Variants in LTBP4 observed in about 807,000 individuals in gnomAD.
LTBP4 encodes latent-transforming growth factor beta-binding protein 4.
In LTBP4, 93 loss-of-function variants were observed where a neutral mutation model predicts 180.2. The observed-to-expected ratio is 0.52, with a 90% CI of 0.44 to 0.61. The LOEUF (loss-of-function observed/expected upper bound fraction) is 0.61, where lower values mean the gene tolerates loss of function less well. LTBP4 is among the 20% of genes least tolerant of loss of function. LTBP4 has a pLI of 0.00. For missense variants in LTBP4, 2,116 were observed against 2,256.5 expected (o/e 0.94, Z 1.26); for synonymous variants, 947 against 934.5 (o/e 1.01, Z -0.24).
chr19:40,616,505 G>A (rs2081550149), intron 19 of LTBP4, among the ~76,000 whole-genome samples: 1 of 152,070 alleles, frequency 6.6e-6, no homozygotes, highest in East Asian at 1.9e-4. Flanking sequence ...GGCCGAGGTG[G>A]ACAGATCGCT....
At position 40,617,162 on chromosome 19, in the gene LTBP4, G is replaced by A. The variant is rs759664058; in HGVS notation, c.3007G>A (p.Gly1003Ser). Residue 1003 changes from glycine to serine, a missense_variant, in exon 21 of 30, where the codon GGC (glycine) becomes AGC (serine). Gly to Ser is a moderately conservative substitution (Grantham distance 56). Transcript: ENST00000396819. The part of the protein sequence containing the change: ...GAHAVCQNLP[G>S]SFQCLCDQGY... Reference sequence around the variant, plus strand: ...CCACGCCGTGTGCCAGAACCTGCCCGGCTCCTTCCAGTGCCTCTGTGACCA... The same window carrying A: ...CCACGCCGTGTGCCAGAACCTGCCCAGCTCCTTCCAGTGCCTCTGTGACCA... 13 of 1,613,768 alleles carry A rather than the reference G, an allele frequency of 8.1e-6. No individual in the cohort carries two copies. The highest frequency in any genetic ancestry group is 5.5e-5 in the South Asian group (5 of 91,068).
Position 40,609,679 on chromosome 19 carries a change from C to A in LTBP4, c.1558+18C>A, listed in dbSNP as rs1344126700. 1 of 1,612,054 alleles carries A rather than the reference C, an allele frequency of 6.2e-7. No individual in the cohort carries two copies. Among genetic ancestry groups the A allele is most frequent in the Non-Finnish European group, 8.5e-7 (1 of 1,178,950 alleles). On this transcript the variant is annotated intron_variant, in intron 10 of 29. Transcript: ENST00000396819. The surrounding 1 kb of genome is among the most constrained non-coding windows in gnomAD (Gnocchi z 4.9). ...ATGCATTGGTGAGCAAGACGGAGGG[C>A]GCGGAAGGAGGCGGGGCGGGGGGCT...
rs2081623856 is a variant in LTBP4, at chr19:40,625,303, TATA to T, written c.3833-553_3833-551del. ...ATATATATATATATATATATATATA[TATA>T]TATATATATATTTTTTTTTTTAAAG... On this transcript the variant is annotated intron_variant, in intron 26 of 29. Transcript: ENST00000396819. Among the ~76,000 whole-genome samples, 2 of 20,838 alleles carry T rather than the reference TATA, an allele frequency of 9.6e-5. 1 individual carries two copies. The highest frequency in any genetic ancestry group is 1.5e-4 in the Non-Finnish European group (2 of 13,530). 13.7% of individuals were successfully genotyped at this position (20,838 alleles called of 152,430 possible). A position where few individuals can be genotyped will look rare whatever the true frequency, so the allele number is the denominator to read the frequency against.
At position 40,613,917 on chromosome 19, in the gene LTBP4, C is replaced by T; in HGVS notation, c.2559C>T (p.Asp853=). ...RPGPRGASCL[D]VDECSEEDLC... is the part of the protein sequence containing the mutation. ...GCCTTCGGACGCCCTGTCCCGCAGA[C>T]GTTGACGAGTGCAGCGAGGAGGACC... is the stretch of plus-strand genomic sequence containing the variant. Residue 853 remains aspartate (D), a splice_region_variant and synonymous_variant, in exon 18 of 30, where the codon GAC becomes GAT. Coordinates refer to ENST00000396819, the MANE Select transcript of LTBP4 (RefSeq NM_001042545.2). This position sits in a 1 kb window ranked among gnomAD's most constrained non-coding sequence, Gnocchi z 5.0. 2 of 1,613,628 alleles carry T rather than the reference C, an allele frequency of 1.2e-6. No homozygotes were observed. The highest frequency in any genetic ancestry group is 1.7e-6 in the Non-Finnish European group (2 of 1,179,806).
At chr19:40,618,586 G>T (rs116175047) in intron 21 of LTBP4, among the ~76,000 whole-genome samples, 1 of 152,080 alleles carries the variant, frequency 6.6e-6, no homozygotes. Context: ...TTGCTCTGTT[G>T]CCCAGACTGG....
chr19:40,626,938 G>C (rs1344070426), intron 27 of LTBP4, 37 bp from the exon 28 acceptor site: 1 of 1,518,334 alleles, frequency 6.6e-7, no homozygotes, highest in Non-Finnish European at 8.8e-7. Flanking sequence ...GTGGGGGCCA[G>C]CAGGGGCTGA....
At chr19:40,625,316 A>ATATATATATATATATATATTT (rs1568414647) in intron 26 of LTBP4, among the ~76,000 whole-genome samples, 1 of 21,938 alleles carries the variant, frequency 4.6e-5, no homozygotes, top group African/African-American at 2.4e-4. Context: ...ATATATATAT[A>ATATATATATATATATATATTT]TTTTTTTTTT....
At chr19:40,625,286 A>ATATATATT (rs2081621082) in intron 26 of LTBP4, among the ~76,000 whole-genome samples, 1 of 5,536 alleles carries the variant, frequency 1.8e-4, no homozygotes, top group African/African-American at 2.4e-3. Context: ...ATATATATAT[A>ATATATATT]TATATATATA....
At chr19:40,599,417 G>A (rs771615047), upstream of LTBP4, 9 of 1,613,324 alleles carry the variant, frequency 5.6e-6, no homozygotes, top group East Asian at 6.7e-5. Context: ...GGCTGTCTCC[G>A]AAGCCTTCTG....
intron 1 of LTBP4, among the ~76,000 whole-genome samples, chr19:40,604,100 A>G (rs1408497783): frequency 6.6e-6 from 1 of 152,144 alleles, no homozygotes; most frequent in Non-Finnish European, 1.5e-5. Context: ...GGGCGGAACT[A>G]GGGCACCCGG....
Position 40,605,176 on chromosome 19 carries a change from C to T in LTBP4, c.392C>T (p.Thr131Ile). ...RPPAPAVPGL[T>I]RSVYTMPLAN... ...CCGGCCCCGGCTGTACCAGGCCTCA[C>T]CCGCTCCGTGTACACTATGCCACTG... is the stretch of plus-strand genomic sequence containing the variant. The change falls in exon 2 of 30, where the codon ACC becomes ATC. Residue 131 changes from threonine (T) to isoleucine (I), a missense_variant. Transcript: ENST00000396819. This position sits in a 1 kb window ranked among gnomAD's most constrained non-coding sequence, Gnocchi z 5.5. The T allele has an allele frequency of 6.2e-7, 1 of 1,609,376 alleles. No individual in the cohort carries two copies. The highest frequency in any genetic ancestry group is 8.5e-7 in the Non-Finnish European group (1 of 1,178,134).
chr19:40,629,422 G>A lies in LTBP4; in HGVS notation c.4546G>A (p.Ala1516Thr). 6.2e-7 allele frequency: 1 copy of A among 1,612,910 alleles called. No homozygotes were observed. Among genetic ancestry groups the A allele is most frequent in the Non-Finnish European group, 8.5e-7 (1 of 1,179,598 alleles). ...CATCAACGAGTGTGATGAGGCCGAG[G>A]CTGCCTCCCCGCTGTGCGTCAACGC... ...VDINECDEAE[A>T]ASPLCVNARC... The change falls in exon 30 of 30, where the codon GCT (alanine) becomes ACT (threonine). Residue 1516 changes from alanine to threonine, a missense_variant. Ala to Thr is a moderately conservative substitution (Grantham distance 58). This residue lies in a region of LTBP4 where 488 missense variants were observed against 458.8 expected (regional missense o/e 1.06). Coordinates refer to ENST00000396819, the MANE Select transcript of LTBP4 (RefSeq NM_001042545.2). This position sits in a 1 kb window ranked among gnomAD's most constrained non-coding sequence, Gnocchi z 4.5.
At position 40,605,695 on chromosome 19, in the gene LTBP4, C is replaced by T. The variant is rs1481530042; in HGVS notation, c.691-34C>T. The T allele has an allele frequency of 6.5e-7, 1 of 1,544,714 alleles. No homozygotes were observed. The highest frequency in any genetic ancestry group is 1.2e-5 in the South Asian group (1 of 83,666). On this transcript the variant is annotated intron_variant, in intron 3 of 29. Transcript: ENST00000396819. The surrounding 1 kb of genome is among the most constrained non-coding windows in gnomAD (Gnocchi z 5.5). ...GGGAGGGGCCCGGAGCTTGCCTCCG[C>T]GCGGGGGCGCGCTCACCCAACACTT...
chr19:40,613,873 G>C lies in LTBP4; in HGVS notation c.2558-43G>C, dbSNP rs767072285. 1.3e-5 allele frequency: 21 copies of C among 1,611,900 alleles called. 1 individual carries two copies. In the South Asian group the frequency reaches 2.3e-4, roughly 18 times the overall value. On this transcript the variant is annotated intron_variant, in intron 17 of 29. Transcript: ENST00000396819. This position sits in a 1 kb window ranked among gnomAD's most constrained non-coding sequence, Gnocchi z 5.0. The stretch of plus-strand genomic sequence containing the variant: ...AGGGGTGTGGCCTAGAATGTTAGGC[G>C]GAGCGGGAGGTGGGCCGGGCCTTCG...
chr19:40,625,923 A>G lies in LTBP4; in HGVS notation c.3899A>G (p.Asp1300Gly). Residue 1300 changes from aspartate (D) to glycine (G), a missense_variant, in exon 27 of 30, where the codon GAC (aspartate) becomes GGC (glycine). Transcript: ENST00000396819. ...CTCGTGTGCAGCCACCCTCGGCTGG[A>G]CCGTCAGGCCACCTACACAGAGTGC... ...ADLVCSHPRLDRQATYTECCC... is the reference protein window; with the variant it reads ...ADLVCSHPRLGRQATYTECCC... The G allele has an allele frequency of 1.2e-6, 2 of 1,604,602 alleles. No individual in the cohort carries two copies. The highest frequency in any genetic ancestry group is 2.2e-5 in the South Asian group (2 of 89,020).
chr19:40,613,957 A>G lies in LTBP4; in HGVS notation c.2599A>G (p.Ile867Val). Residue 867 changes from isoleucine to valine, a missense_variant, in exon 18 of 30, where the codon ATC becomes GTC. This residue lies in a region of LTBP4 where 877 missense variants were observed against 873.6 expected (regional missense o/e 1.00). Transcript: ENST00000396819. This position sits in a 1 kb window ranked among gnomAD's most constrained non-coding sequence, Gnocchi z 5.0. ...CGAGGAGGACCTTTGCCAGAGCGGC[A>G]TCTGTACCAACACCGACGGCTCCTT... is the stretch of plus-strand genomic sequence containing the variant. The part of the protein sequence containing the change: ...CSEEDLCQSG[I>V]CTNTDGSFEC... The G allele has an allele frequency of 6.2e-7, 1 of 1,613,432 alleles. No individual in the cohort carries two copies. Among genetic ancestry groups the G allele is most frequent in the Non-Finnish European group, 8.5e-7 (1 of 1,179,730 alleles).
rs1346124534 is a variant in LTBP4, at chr19:40,614,054, C to T, written c.2680+16C>T. 2 of 1,611,186 alleles carry T rather than the reference C, an allele frequency of 1.2e-6. No individual in the cohort carries two copies. The highest frequency in any genetic ancestry group is 1.7e-6 in the Non-Finnish European group (2 of 1,179,334). ...TCCTGCCTCGGTGAGAGGCCCCGCCCCGGCCTGATCCCTCCTCCCTTCGAC... is the reference window on the plus strand; with the variant it reads ...TCCTGCCTCGGTGAGAGGCCCCGCCTCGGCCTGATCCCTCCTCCCTTCGAC... On this transcript the variant is annotated intron_variant, in intron 18 of 29. Transcript: ENST00000396819.
In LTBP4 at chr19:40,611,751, G is replaced by A; in HGVS notation, c.2054-108G>A. ...TTCCTGGGAAGAGGGAGCAGCCTGA[G>A]GCAAGTCCAGAAGGCAGGCTCAAGA... On this transcript the variant is annotated intron_variant, in intron 13 of 29. Coordinates refer to ENST00000396819, the MANE Select transcript of LTBP4 (RefSeq NM_001042545.2). The surrounding 1 kb of genome is among the most constrained non-coding windows in gnomAD (Gnocchi z 4.4). The A allele has an allele frequency of 6.8e-7, 1 of 1,468,636 alleles. No individual in the cohort carries two copies. The highest frequency in any genetic ancestry group is 9.1e-7 in the Non-Finnish European group (1 of 1,095,804). 91.0% of individuals were successfully genotyped at this position (1,468,636 alleles called of 1,614,324 possible).
intron 21 of LTBP4, among the ~76,000 whole-genome samples, chr19:40,617,508 G>A (rs1468849968): frequency 6.6e-6 from 1 of 152,162 alleles, no homozygotes; most frequent in African/African-American, 2.4e-5. Context: ...GCCGGATCTG[G>A]TGGCAAATGC....
Sources: gnomAD v4.1 joint callset for allele counts (sites outside exome capture counted in the v4.1 genomes callset) on GRCh38, gnomAD v4.1.1 for gene constraint, gnomAD v4.1.1 regional missense constraint, Gnocchi (gnomAD v3.1) non-coding constraint, MANE v1.5 for transcripts, NCBI Gene and HGNC (gene_info 2026-07-23, HGNC 2026-07-21) for gene names.